Variants in GDF1 observed in about 807,000 individuals in gnomAD.
The protein encoded by GDF1 is growth differentiation factor 1.
In GDF1, 8 loss-of-function variants were observed where a neutral mutation model predicts 7.4. The ratio of observed to expected loss-of-function variants is 1.09; its 90% confidence interval spans 0.64 to 1.96. The LOEUF (loss-of-function observed/expected upper bound fraction) is 1.96, where lower values mean the gene tolerates loss of function less well. Among genes scored for constraint, GDF1 ranks in the 30% most tolerant of loss-of-function variants. GDF1 has a pLI of 0.00. For missense variants in GDF1, 574 were observed against 551.5 expected (o/e 1.04, Z -0.41); for synonymous variants, 311 against 276.7 (o/e 1.12, Z -1.23).
In GDF1 at chr19:18,895,861, G is replaced by C. The variant is rs1175396084; in HGVS notation, c.-1111C>G. ...CGCAGTGGCCGCGGAGCGCAGGGCG[G>C]TCCAGCCCAGCGCGCCGAGCGCCAG... On this transcript the variant is annotated 5_prime_UTR_variant, in exon 1 of 8. Transcript: ENST00000247005. The surrounding 1 kb of genome is among the most constrained non-coding windows in gnomAD (Gnocchi z 6.4). 1.5e-6 allele frequency: 2 copies of C among 1,295,054 alleles called. No homozygotes were observed. Among genetic ancestry groups the C allele is most frequent in the Non-Finnish European group, 2.0e-6 (2 of 1,022,084 alleles). The allele number at this position is 1,295,054 out of a possible 1,614,324, so 80.2% of individuals were successfully genotyped here.
At chr19:18,888,889 CTTTTTTTTTT>C in intron 2 of GDF1, among the ~76,000 whole-genome samples, 1 of 122,918 alleles carries the variant, frequency 8.1e-6, no homozygotes, top group African/African-American at 3.1e-5. Flanking sequence ...TTCTTTCTTT[CTTTTTTTTTT>C]TTTTTTTTTT....
chr19:18,891,457 C>T (rs567596539), intron 2 of GDF1, among the ~76,000 whole-genome samples: 2 of 152,284 alleles, frequency 1.3e-5, no homozygotes, highest in East Asian at 3.9e-4. Context: ...CCCTGCCCTG[C>T]ATTCTCTGCC....
chr19:18,874,537 T>C (rs1313634433), intron 6 of GDF1, among the ~76,000 whole-genome samples: 1 of 152,090 alleles, frequency 6.6e-6, no homozygotes, highest in South Asian at 2.1e-4. Flanking sequence ...TTACGGAGCA[T>C]TGAGTGCAGG....
At chr19:18,880,995 G>A (rs979350721) in intron 3 of GDF1, among the ~76,000 whole-genome samples, 2 of 151,980 alleles carry the variant, frequency 1.3e-5, no homozygotes, top group African/African-American at 2.4e-5. Flanking sequence ...CACTGTGCCC[G>A]GTCTTGGAAG....
intron 6 of GDF1, among the ~76,000 whole-genome samples, chr19:18,874,575 G>A (rs555673246): frequency 6.6e-6 from 1 of 152,358 alleles, no homozygotes; most frequent in African/African-American, 2.4e-5. Flanking sequence ...AGGTGAGAGT[G>A]TCTCAACGGA....
intron 2 of GDF1, among the ~76,000 whole-genome samples, chr19:18,888,273 C>G (rs537078757): frequency 6.7e-6 from 1 of 149,270 alleles, no homozygotes; most frequent in Admixed American, 6.7e-5. Context: ...GCAGGAGAAT[C>G]GCTTGAACCT....
chr19:18,881,296 C>T (rs760880784), intron 3 of GDF1, among the ~76,000 whole-genome samples: 62 of 151,728 alleles, frequency 4.1e-4, no homozygotes, highest in Non-Finnish European at 7.2e-4. Context: ...CTCAGCTCAC[C>T]GCAACCTCCA....
Position 18,870,020 on chromosome 19 carries a change from C to G in GDF1, c.288G>C (p.Gly96=), listed in dbSNP as rs1231850531. The change falls in exon 7 of 8, where the codon GGG becomes GGC. Residue 96 remains glycine, a synonymous_variant. Transcript: ENST00000247005. The surrounding 1 kb of genome is among the most constrained non-coding windows in gnomAD (Gnocchi z 5.1). ...TLQPCHVEEL[G]VAGNIVRHIP... is the part of the protein sequence containing the mutation. ...TGTGGCGCACGATGTTTCCGGCGAC[C>G]CCCAGCTCCTCCACGTGGCACGGTT... 1.3e-6 allele frequency: 2 copies of G among 1,597,484 alleles called. No homozygotes were observed. Among genetic ancestry groups the G allele is most frequent in the African/African-American group, 2.7e-5 (2 of 74,756 alleles).
intron 1 of GDF1, among the ~76,000 whole-genome samples, chr19:18,894,596 C>CT (rs1006682863): frequency 3.3e-5 from 5 of 152,216 alleles, no homozygotes; most frequent in Middle Eastern, 3.4e-3. Flanking sequence ...ACGGCTTGCC[C>CT]TCCTGGGTCT....
At chr19:18,881,431 G>A (rs1260684796) in intron 3 of GDF1, among the ~76,000 whole-genome samples, 3 of 151,678 alleles carry the variant, frequency 2.0e-5, no homozygotes, top group African/African-American at 7.3e-5. Context: ...TGTTGGTCCC[G>A]CTGATCTCGA....
At position 18,879,471 on chromosome 19, in the gene GDF1, CCCTTGCCCCCTTATCCCAT is replaced by C. The variant is rs537516367; in HGVS notation, c.-570-102_-570-84del. 221 of 1,470,710 alleles carry C rather than the reference CCCTTGCCCCCTTATCCCAT, an allele frequency of 1.5e-4. No homozygotes were observed. In the African/African-American group the frequency reaches 2.5e-3, roughly 17 times the overall value. 91.1% of individuals were successfully genotyped at this position (1,470,710 alleles called of 1,614,324 possible). ...CCTGTCCTATCCCGTCCTAGACCCA[CCCTTGCCCCCTTATCCCAT>C]CCTTGCCCACCTCTGCCCACCTGTT... On this transcript the variant is annotated intron_variant, in intron 4 of 7. Transcript: ENST00000247005.
Position 18,878,962 on chromosome 19 carries a change from G to A in GDF1, c.-345C>T, listed in dbSNP as rs530273200. On this transcript the variant is annotated 5_prime_UTR_variant, in exon 6 of 8. Transcript: ENST00000247005. The surrounding 1 kb of genome is among the most constrained non-coding windows in gnomAD (Gnocchi z 4.6). ...TGCTGGGCTTCAGGCTCTGGGCCTC[G>A]GCTGTGTCATACTCCCGCAGGTCCT... 8.1e-6 allele frequency: 13 copies of A among 1,613,740 alleles called. No individual in the cohort carries two copies. The highest frequency in any genetic ancestry group is 3.3e-4 in the Middle Eastern group (2 of 6,060).
chr19:18,878,494 A>G lies in GDF1; in HGVS notation c.-313+436T>C. The stretch of plus-strand genomic sequence containing the variant: ...GGCCAGGATGTCTCGGCCCAGATGG[A>G]GCCTGGGTTCTCTCTGTGGCCCTTG... On this transcript the variant is annotated intron_variant, in intron 6 of 7. Coordinates refer to ENST00000247005, the MANE Select transcript of GDF1 (RefSeq NM_001492.6). The surrounding 1 kb of genome is among the most constrained non-coding windows in gnomAD (Gnocchi z 4.6). The G allele has an allele frequency of 1.0e-6, 1 of 999,554 alleles. No individual in the cohort carries two copies. The allele number at this position is 999,554 out of a possible 1,614,324, so 61.9% of individuals were successfully genotyped here. A position where few individuals can be genotyped will look rare whatever the true frequency, so the allele number is the denominator to read the frequency against.
At chr19:18,882,489 C>T (rs114951766) in intron 3 of GDF1, among the ~76,000 whole-genome samples, 5,086 of 151,126 alleles carry the variant, frequency 0.034, 111 homozygotes, top group Non-Finnish European at 0.039. Context: ...AATAATTAGC[C>T]GGTGTGATGT....
intron 2 of GDF1, among the ~76,000 whole-genome samples, chr19:18,893,043 A>G (rs2056532528): frequency 6.6e-6 from 1 of 151,154 alleles, no homozygotes; most frequent in Admixed American, 6.6e-5. Context: ...CAGCCTCCCG[A>G]GTAGCTGGGA....
chr19:18,891,751 G>C (rs1378848145), intron 2 of GDF1, among the ~76,000 whole-genome samples: 2 of 150,836 alleles, frequency 1.3e-5, no homozygotes, highest in Non-Finnish European at 1.5e-5. Flanking sequence ...CTAATTTTTT[G>C]TAGAGATGGA....
rs376751643 is a variant in GDF1 at position 18,872,541 on chromosome 19, G to A, written c.-312-1922C>T. On this transcript the variant is annotated intron_variant, in intron 6 of 7. Coordinates refer to ENST00000247005, the MANE Select transcript of GDF1 (RefSeq NM_001492.6). ...TTTTTTTTTTTTTTTTTGAGACGAA[G>A]TCTCGCTCTTGTCCCCCAGGCGGGA... Among the ~76,000 whole-genome samples, 10 of 146,542 alleles carry A rather than the reference G, an allele frequency of 6.8e-5. No homozygotes were observed. The East Asian group carries it at 1.0e-3, about 15-fold the overall frequency.
At position 18,880,423 on chromosome 19, in the gene GDF1, C is replaced by A; in HGVS notation, c.-720G>T. On this transcript the variant is annotated 5_prime_UTR_variant, in exon 4 of 8. Coordinates refer to ENST00000247005, the MANE Select transcript of GDF1 (RefSeq NM_001492.6). The stretch of plus-strand genomic sequence containing the variant: ...CGTGCAGGAAGAGCACAAGGATGCC[C>A]ACATTGTGGTACCTGGGGGAGCAGC... 1 of 1,586,468 alleles carries A rather than the reference C, an allele frequency of 6.3e-7. No homozygotes were observed.
In GDF1 at chr19:18,880,444, G is replaced by A. The variant is rs757138223; in HGVS notation, c.-732-9C>T. 15 of 1,575,280 alleles carry A rather than the reference G, an allele frequency of 9.5e-6. No homozygotes were observed. The highest frequency in any genetic ancestry group is 2.6e-6 in the Non-Finnish European group (3 of 1,157,636). The stretch of plus-strand genomic sequence containing the variant: ...TGCCCACATTGTGGTACCTGGGGGA[G>A]CAGCAGGCAGAGAGGAGAGGGCAGC... On this transcript the variant is annotated splice_polypyrimidine_tract_variant and intron_variant, in intron 3 of 7. Coordinates refer to ENST00000247005, the MANE Select transcript of GDF1 (RefSeq NM_001492.6).
Sources: gnomAD v4.1 joint callset for allele counts (sites outside exome capture counted in the v4.1 genomes callset) on GRCh38, gnomAD v4.1.1 for gene constraint, Gnocchi (gnomAD v3.1) non-coding constraint, MANE v1.5 for transcripts, NCBI Gene and HGNC (gene_info 2026-07-23, HGNC 2026-07-21) for gene names.